The following SYT11 variants were observed in gnomAD, a reference collection of about 807,000 sequenced individuals.
SYT11 encodes the protein synaptotagmin 11.
Under a neutral mutation model 30.4 loss-of-function variants are expected in SYT11, and 12 were observed. That is an observed-to-expected ratio of 0.39 (90% CI 0.25 to 0.64). The LOEUF is 0.64. Ranked by LOEUF, SYT11 falls within the 30% of genes least tolerant of loss-of-function variation. The pLI is 0.45. For synonymous variants in SYT11, 204 were observed against 216.0 expected, an observed-to-expected ratio of 0.94 and a Z score of 0.49; for missense variants, 412 against 552.0, an observed-to-expected ratio of 0.75 and a Z score of 2.54.
chr1:155,874,215 C>T (rs937235032), intron 2 of SYT11, among the ~76,000 whole-genome samples: 2 of 151,944 alleles, frequency 1.3e-5, no homozygotes, highest in African/African-American at 4.8e-5. Flanking sequence ...TGGGGGTTAC[C>T]GTGAGCTGAG....
chr1:155,878,968 C>T (rs1273588403), intron 2 of SYT11, among the ~76,000 whole-genome samples: 2 of 152,108 alleles, frequency 1.3e-5, no homozygotes, highest in Non-Finnish European at 2.9e-5. Flanking sequence ...AGCACTTAGA[C>T]AGGCTTCTCA....
In SYT11 at chr1:155,859,583, A is replaced by G; in HGVS notation, c.-179A>G. On this transcript the variant is annotated 5_prime_UTR_variant, in exon 1 of 4. Transcript: ENST00000368324. Reference sequence around the variant, plus strand: ...CCTTAGCTCAGCGCATCCCCGGAGCATCTTAAGAGCTGAGCGCAGCTGACA... The same window carrying G: ...CCTTAGCTCAGCGCATCCCCGGAGCGTCTTAAGAGCTGAGCGCAGCTGACA... The G allele has an allele frequency of 1.5e-6, 1 of 661,692 alleles. No individual in the cohort carries two copies. Among genetic ancestry groups the G allele is most frequent in the South Asian group, 1.7e-5 (1 of 60,218 alleles). 41.0% of individuals were successfully genotyped at this position (661,692 alleles called of 1,614,324 possible). A position where few individuals can be genotyped will look rare whatever the true frequency, so the allele number is the denominator to read the frequency against.
At position 155,868,682 on chromosome 1, in the gene SYT11, G is replaced by A. The variant is rs982800293; in HGVS notation, c.752G>A (p.Arg251His). 16 of 1,614,206 alleles carry A rather than the reference G, an allele frequency of 9.9e-6. No individual in the cohort carries two copies. The highest frequency in any genetic ancestry group is 2.2e-5 in the East Asian group (1 of 44,878). ...VLHFLVLSFDRFSRDDVIGEV... is the reference protein window; with the variant it reads ...VLHFLVLSFDHFSRDDVIGEV... ...CACTTCCTTGTCCTCAGCTTTGACC[G>A]CTTCTCTCGGGATGATGTCATTGGC... Residue 251 changes from arginine to histidine, a missense_variant, in exon 2 of 4, where the codon CGC becomes CAC. Arg to His is a conservative substitution (Grantham distance 29, BLOSUM62 0). Transcript: ENST00000368324. This position sits in a 1 kb window ranked among gnomAD's most constrained non-coding sequence, Gnocchi z 4.7.
chr1:155,870,481 G>T (rs1165943534), intron 2 of SYT11, among the ~76,000 whole-genome samples: 1 of 152,186 alleles, frequency 6.6e-6, no homozygotes, highest in Non-Finnish European at 1.5e-5. Context: ...GACAAGGGAG[G>T]AATTGGTGAA....
At chr1:155,859,854 G>C (rs1043689468) in intron 1 of SYT11, 59 bp downstream of exon 1, 10 of 1,527,420 alleles carry the variant, frequency 6.5e-6, no homozygotes, top group Non-Finnish European at 9.1e-6. Context: ...AGGCCAAGGG[G>C]GCCCAGCGGC....
At chr1:155,862,064 G>A (rs1483998733) in intron 1 of SYT11, among the ~76,000 whole-genome samples, 1 of 152,212 alleles carries the variant, frequency 6.6e-6, no homozygotes, top group East Asian at 1.9e-4. Flanking sequence ...GAAGGAGCTG[G>A]CCAATAGCCC....
At chr1:155,872,852 A>G (rs1374760903) in intron 2 of SYT11, among the ~76,000 whole-genome samples, 4 of 152,104 alleles carry the variant, frequency 2.6e-5, no homozygotes, top group African/African-American at 9.7e-5. Context: ...AGCGGCGCTG[A>G]GTGGGGATGG....
Position 155,880,600 on chromosome 1 carries a change from T to C in SYT11, c.962T>C (p.Met321Thr). ...CTCAAAGCCAGACACTTGCCGAAGATGGATATCACCGGTCTCTCAGGTAGC... is the reference window on the plus strand; with the variant it reads ...CTCAAAGCCAGACACTTGCCGAAGACGGATATCACCGGTCTCTCAGGTAGC... ...VVLKARHLPK[M>T]DITGLSGNPY... is the part of the protein sequence containing the mutation. The change falls in exon 3 of 4, where the codon ATG becomes ACG. Residue 321 changes from methionine to threonine, a missense_variant. Met to Thr is a moderately conservative substitution (Grantham distance 81). Transcript: ENST00000368324. The C allele has an allele frequency of 6.2e-7, 1 of 1,614,066 alleles. No individual in the cohort carries two copies. The highest frequency in any genetic ancestry group is 1.1e-5 in the South Asian group (1 of 91,082).
chr1:155,876,026 A>G (rs1159047735), intron 2 of SYT11, among the ~76,000 whole-genome samples: 1 of 152,146 alleles, frequency 6.6e-6, no homozygotes, highest in Admixed American at 6.6e-5. Flanking sequence ...CTGGCACTTA[A>G]TAAGTGCCTA....
At chr1:155,873,031 T>C (rs1170540338) in intron 2 of SYT11, among the ~76,000 whole-genome samples, 1 of 152,210 alleles carries the variant, frequency 6.6e-6, no homozygotes, top group Admixed American at 6.5e-5. Flanking sequence ...AAGATTTTCC[T>C]AGAATGGATG....
chr1:155,881,498 G>C lies in SYT11; in HGVS notation c.1286G>C (p.Ser429Thr), dbSNP rs141914865. Residue 429 changes from serine to threonine, a missense_variant, in exon 4 of 4, where the codon AGC becomes ACC. Ser to Thr is a moderately conservative substitution (Grantham distance 58, BLOSUM62 1). Transcript: ENST00000368324. The stretch of plus-strand genomic sequence containing the variant: ...CCTGTGGCCAAGTGGCACAGTCTGA[G>C]CGAGTACTAATCCTGTTCTTCTCTC... ...RKPVAKWHSL[S>T]EY 1.2e-6 allele frequency: 2 copies of C among 1,605,500 alleles called. No individual in the cohort carries two copies. The highest frequency in any genetic ancestry group is 8.5e-7 in the Non-Finnish European group (1 of 1,173,674).
At chr1:155,876,750 C>G (rs1672868168) in intron 2 of SYT11, among the ~76,000 whole-genome samples, 1 of 152,026 alleles carries the variant, frequency 6.6e-6, no homozygotes, top group African/African-American at 2.4e-5. Context: ...TAGTTCCAGT[C>G]CCAATCATTT....
rs1352496918 is a variant in SYT11, at chr1:155,882,165, C to CA, written c.*659dup. 4 of 152,122 alleles carry CA rather than the reference C, an allele frequency of 2.6e-5. No individual in the cohort carries two copies. Among genetic ancestry groups the CA allele is most frequent in the African/African-American group, 9.7e-5 (4 of 41,374 alleles). The allele number at this position is 152,122 out of a possible 1,614,324, so 9.4% of individuals were successfully genotyped here. ...AAGAAATTAGCCTAACTGCCAATAT[C>CA]AAGTTGCAGATTTTAATCCATGGAA... On this transcript the variant is annotated 3_prime_UTR_variant, in exon 4 of 4. Transcript: ENST00000368324.
chr1:155,864,710 T>C (rs977196179), intron 1 of SYT11, among the ~76,000 whole-genome samples: 5 of 136,312 alleles, frequency 3.7e-5, no homozygotes, highest in African/African-American at 1.6e-4. Context: ...ACTCAATCCT[T>C]TTTTTTTTTT....
rs1386527357 is a variant in SYT11, at chr1:155,868,249, G to T, written c.319G>T (p.Asp107Tyr). The T allele has an allele frequency of 1.2e-6, 2 of 1,614,120 alleles. No individual in the cohort carries two copies. Among genetic ancestry groups the T allele is most frequent in the Non-Finnish European group, 1.7e-6 (2 of 1,180,004 alleles). ...DAAEAGLLSR[D>Y]KDPRGPSSGS... ...AGCAGAGGCTGGCCTGCTAAGCCGA[G>T]ACAAAGATCCCAGGGGGCCTAGCTC... Residue 107 changes from aspartate to tyrosine, a missense_variant, in exon 2 of 4, where the codon GAC becomes TAC. Physicochemically the swap from Asp to Tyr is radical, Grantham distance 160. Transcript: ENST00000368324. The surrounding 1 kb of genome is among the most constrained non-coding windows in gnomAD (Gnocchi z 4.7).
rs1285798044 is a variant in SYT11 at position 155,860,265 on chromosome 1, C to T, written c.34+470C>T. On this transcript the variant is annotated intron_variant, in intron 1 of 3. Coordinates refer to ENST00000368324, the MANE Select transcript of SYT11 (RefSeq NM_152280.5). This position sits in a 1 kb window ranked among gnomAD's most constrained non-coding sequence, Gnocchi z 4.1. ...AGATGGCAGCTTGGAGACTGTGGGC[C>T]GTGTGGCTGGCAGCCAGGGGAGGCG... 6.6e-6 allele frequency among the ~76,000 whole-genome samples: 1 copy of T among 151,496 alleles called. No individual in the cohort carries two copies. Among genetic ancestry groups the T allele is most frequent in the East Asian group, 1.9e-4 (1 of 5,150 alleles).
In SYT11 at chr1:155,881,378, A is replaced by G; in HGVS notation, c.1166A>G (p.Lys389Arg). 6.2e-7 allele frequency: 1 copy of G among 1,614,140 alleles called. No individual in the cohort carries two copies. The highest frequency in any genetic ancestry group is 8.5e-7 in the Non-Finnish European group (1 of 1,180,014). The change falls in exon 4 of 4, where the codon AAG becomes AGG. Residue 389 changes from lysine to arginine, a missense_variant. By Grantham distance (26) the Lys-to-Arg change is conservative. Transcript: ENST00000368324. ...FLVIDFDRTT[K>R]NEVVGRLILG... The stretch of plus-strand genomic sequence containing the variant: ...GTTATCGACTTCGATCGCACCACCA[A>G]GAATGAGGTGGTGGGGAGGCTGATC...
rs1271973269 is a variant in SYT11 at position 155,883,464 on chromosome 1, G to GT, written c.*1957dup. 1.3e-5 allele frequency: 2 copies of GT among 152,248 alleles called. No homozygotes were observed. The highest frequency in any genetic ancestry group is 2.9e-5 in the Non-Finnish European group (2 of 68,088). The allele number at this position is 152,248 out of a possible 1,614,324, so 9.4% of individuals were successfully genotyped here. Reference sequence around the variant, plus strand: ...GTGGGAGGATCATTTGAGCCCAGAGGTAGAGGCTGCAGTGAGCCATGATCA... The same window carrying GT: ...GTGGGAGGATCATTTGAGCCCAGAGGTTAGAGGCTGCAGTGAGCCATGATCA... On this transcript the variant is annotated 3_prime_UTR_variant, in exon 4 of 4. Transcript: ENST00000368324.
intron 1 of SYT11, 75 bp downstream of exon 1, chr1:155,859,870 A>G: frequency 1.4e-6 from 2 of 1,399,552 alleles, no homozygotes; most frequent in Non-Finnish European, 2.0e-6. Flanking sequence ...GCGGCAGGGC[A>G]GAGAATGCAG....
Sources: allele counts gnomAD v4.1 joint callset (sites outside exome capture counted in the v4.1 genomes callset), GRCh38; gene constraint gnomAD v4.1.1; non-coding constraint Gnocchi (gnomAD v3.1); transcripts MANE v1.5; gene names NCBI Gene and HGNC (gene_info 2026-07-23, HGNC 2026-07-21).